NKAIN3: variants seen among roughly 807,000 people sequenced by gnomAD.
The protein encoded by NKAIN3 is sodium/potassium transporting ATPase interacting 3.
NKAIN3 carries 25 observed loss-of-function variants against 30.2 expected under a neutral mutation model. That is an observed-to-expected ratio of 0.83 (90% CI 0.60 to 1.16). NKAIN3 has a LOEUF of 1.16. Ranked by LOEUF, NKAIN3 falls within the 50% of genes most tolerant of loss-of-function variation. NKAIN3 has a pLI of 0.00. For synonymous variants in NKAIN3, 91 were observed against 89.6 expected (o/e 1.02, Z -0.09); for missense variants, 225 against 254.1 (o/e 0.89, Z 0.78).
intron 1 of NKAIN3, among the ~76,000 whole-genome samples, chr8:62,375,585 T>C (rs1488710422): frequency 6.6e-6 from 1 of 152,158 alleles, no homozygotes; most frequent in East Asian, 1.9e-4. Context: ...ACTACTATTA[T>C]ATTTAGGACT....
intron 1 of NKAIN3, among the ~76,000 whole-genome samples, chr8:62,256,700 C>T (rs913891075): frequency 1.3e-5 from 2 of 152,108 alleles, no homozygotes; most frequent in Non-Finnish European, 2.9e-5. Context: ...AGAGGGAGTC[C>T]AGATAGAAGC....
At chr8:62,537,206 A>G (rs528868502) in intron 1 of NKAIN3, among the ~76,000 whole-genome samples, 2 of 152,292 alleles carry the variant, frequency 1.3e-5, no homozygotes, top group East Asian at 3.9e-4. Flanking sequence ...TTGTTGTTTC[A>G]TCAAGCAGGG....
intron 4 of NKAIN3, among the ~76,000 whole-genome samples, chr8:62,760,903 C>G (rs1013773105): frequency 2.0e-5 from 3 of 152,038 alleles, no homozygotes; most frequent in African/African-American, 7.2e-5. Context: ...GGAACCTTAA[C>G]AAATCCTGGG....
chr8:62,881,903 C>T (rs915644071), intron 4 of NKAIN3, among the ~76,000 whole-genome samples: 1 of 152,162 alleles, frequency 6.6e-6, no homozygotes, highest in African/African-American at 2.4e-5. Context: ...ACATCCTCAC[C>T]AGAATTTGGC....
At chr8:62,846,603 A>G (rs1819696744) in intron 4 of NKAIN3, among the ~76,000 whole-genome samples, 1 of 152,108 alleles carries the variant, frequency 6.6e-6, no homozygotes, top group Non-Finnish European at 1.5e-5. Flanking sequence ...TTCCTGCATT[A>G]GTTTGCTAAG....
In NKAIN3 at chr8:62,912,003, G is replaced by A. The variant is rs1243150604; in HGVS notation, c.472-6450G>A. On this transcript the variant is annotated intron_variant, in intron 4 of 6. Coordinates refer to ENST00000623646, the MANE Select transcript of NKAIN3 (RefSeq NM_001304533.3). ...ACTTAACTACAGGGATACATTCTGA[G>A]AAATGCGGCCTTAGGCGATTTCATC... Among the ~76,000 whole-genome samples, 5 of 152,172 alleles carry A rather than the reference G, an allele frequency of 3.3e-5. No individual in the cohort carries two copies. In the South Asian group the frequency reaches 6.2e-4, roughly 19 times the overall value.
At chr8:62,658,161 A>C (rs372285315) in intron 3 of NKAIN3, among the ~76,000 whole-genome samples, 3 of 152,188 alleles carry the variant, frequency 2.0e-5, no homozygotes, top group Non-Finnish European at 2.9e-5. Context: ...TATTCTCACA[A>C]AGTCATGAAA....
chr8:62,792,195 G>A (rs1395187710), intron 4 of NKAIN3, among the ~76,000 whole-genome samples: 1 of 152,000 alleles, frequency 6.6e-6, no homozygotes, highest in Non-Finnish European at 1.5e-5. Flanking sequence ...TGCAGCCACT[G>A]CCTTAATTTA....
chr8:62,846,857 G>A (rs777922845), intron 4 of NKAIN3, among the ~76,000 whole-genome samples: 2 of 152,126 alleles, frequency 1.3e-5, no homozygotes, highest in Non-Finnish European at 2.9e-5. Context: ...AATCATGGTC[G>A]AAGGTGAATG....
chr8:62,964,537 A>AGAGTGT (rs1386858813), intron 6 of NKAIN3, among the ~76,000 whole-genome samples: 8,769 of 133,054 alleles, frequency 0.066, 384 homozygotes, highest in Admixed American at 0.13. Flanking sequence ...AGAGAGAGAG[A>AGAGTGT]GTGTGTGTGT....
intron 4 of NKAIN3, among the ~76,000 whole-genome samples, chr8:62,883,116 T>G (rs1052054290): frequency 6.6e-6 from 1 of 152,156 alleles, no homozygotes; most frequent in Non-Finnish European, 1.5e-5. Flanking sequence ...GGGATTTTGA[T>G]TGGAATTTTG....
chr8:62,345,258 T>TATATAC (rs139656573), intron 1 of NKAIN3, among the ~76,000 whole-genome samples: 4,171 of 142,754 alleles, frequency 0.029, 202 homozygotes, highest in African/African-American at 0.11. Flanking sequence ...GGTATATATA[T>TATATAC]ACACACACAC....
chr8:62,316,112 T>C (rs553497304), intron 1 of NKAIN3, among the ~76,000 whole-genome samples: 1 of 152,220 alleles, frequency 6.6e-6, no homozygotes, highest in South Asian at 2.1e-4. Flanking sequence ...ACATATTTGC[T>C]TCCTCGTCCA....
In NKAIN3 at chr8:62,831,075, C is replaced by A. The variant is rs181802429; in HGVS notation, c.471+83946C>A. Among the ~76,000 whole-genome samples the A allele has an allele frequency of 1.1e-3, 173 of 152,214 alleles. 1 individual carries two copies. Among genetic ancestry groups the A allele is most frequent in the Middle Eastern group, 3.4e-3 (1 of 294 alleles). On this transcript the variant is annotated intron_variant, in intron 4 of 6. Coordinates refer to ENST00000623646, the MANE Select transcript of NKAIN3 (RefSeq NM_001304533.3). ...AGACCCACCTGCAGTTAACTCTTAC[C>A]CATATGCGCCATCAGTTGGCCTGTA...
At chr8:62,855,694 G>A in intron 4 of NKAIN3, 1 of 1,597,282 alleles carries the variant, frequency 6.3e-7, no homozygotes, top group Non-Finnish European at 8.6e-7. Context: ...TGTCACTTCT[G>A]CATGTGAAGC....
intron 1 of NKAIN3, among the ~76,000 whole-genome samples, chr8:62,453,170 T>A (rs189938037): frequency 2.0e-5 from 3 of 152,330 alleles, no homozygotes; most frequent in Non-Finnish European, 4.4e-5. Context: ...TCCACTTGCC[T>A]ATTTGACTAA....
chr8:62,640,440 T>G (rs140367545), intron 3 of NKAIN3, among the ~76,000 whole-genome samples: 258 of 152,264 alleles, frequency 1.7e-3, no homozygotes, highest in African/African-American at 6.1e-3. Context: ...TCCCCAGGCA[T>G]GAGGAACTCT....
At chr8:62,291,201 A>G (rs1230025612) in intron 1 of NKAIN3, among the ~76,000 whole-genome samples, 1 of 152,090 alleles carries the variant, frequency 6.6e-6, no homozygotes, top group Non-Finnish European at 1.5e-5. Flanking sequence ...TCCTGGATTC[A>G]TGGATTTTTC....
intron 1 of NKAIN3, among the ~76,000 whole-genome samples, chr8:62,409,688 TTTTG>T (rs1804179635): frequency 6.6e-6 from 1 of 152,024 alleles, no homozygotes; most frequent in Non-Finnish European, 1.5e-5. Flanking sequence ...TCTTTAGGGT[TTTTG>T]TTTGTTTTTG....
Sources: allele counts gnomAD v4.1 joint callset (sites outside exome capture counted in the v4.1 genomes callset), GRCh38; gene constraint gnomAD v4.1.1; transcripts MANE v1.5; gene names NCBI Gene and HGNC (gene_info 2026-07-23, HGNC 2026-07-21).